Variants in ULK4 observed in about 807,000 individuals in gnomAD.
ULK4 encodes the protein inactive serine/threonine-protein kinase ULK4.
In ULK4, 133 loss-of-function variants were observed where a neutral mutation model predicts 160.6. The ratio of observed to expected loss-of-function variants is 0.83; its 90% CI spans 0.72 to 0.96. The LOEUF (loss-of-function observed/expected upper bound fraction) is 0.96. ULK4 is among the 40% of genes least tolerant of loss of function. ULK4 has a pLI of 0.00. For missense variants in ULK4, 1,580 were observed against 1,499.5 expected (o/e 1.05, Z -0.89); for synonymous variants, 534 against 539.8 (o/e 0.99, Z 0.15).
intron 4 of ULK4, 27 bp from the exon 5 acceptor site, chr3:41,932,033 G>A (rs1559658772): frequency 6.3e-7 from 1 of 1,591,880 alleles, no homozygotes; most frequent in Admixed American, 1.8e-5. Context: ...AATGTTTTCA[G>A]AAAAAAAATC....
At chr3:41,750,381 T>C (rs1375007026) in intron 22 of ULK4, among the ~76,000 whole-genome samples, 1 of 152,196 alleles carries the variant, frequency 6.6e-6, no homozygotes, top group South Asian at 2.1e-4. Flanking sequence ...ACTGCTATGA[T>C]TTCCTCAATT....
chr3:41,556,559 C>T (rs2087309786), intron 32 of ULK4, among the ~76,000 whole-genome samples: 1 of 135,284 alleles, frequency 7.4e-6, no homozygotes, highest in African/African-American at 2.8e-5. Context: ...ACAATATTGG[C>T]TCACTGCAAC....
In ULK4 at chr3:41,931,973, T is replaced by C; in HGVS notation, c.412A>G (p.Ser138Gly). ...TCCACTTTTGCCAAGCAAAAGTTGC[T>C]AAACTTCAGTGTGCCAGGCCCTTCC... ...LLEGPGTLKFSNFCLAKVEGE... is the reference protein window; with the variant it reads ...LLEGPGTLKFGNFCLAKVEGE... Residue 138 changes from serine (S) to glycine (G), a missense_variant, in exon 5 of 37, where the codon AGC becomes GGC. Physicochemically the swap from Ser to Gly is moderately conservative, Grantham distance 56. Coordinates refer to ENST00000301831, the MANE Select transcript of ULK4 (RefSeq NM_017886.4). 3 of 1,613,984 alleles carry C rather than the reference T, an allele frequency of 1.9e-6. No individual in the cohort carries two copies. The highest frequency in any genetic ancestry group is 2.5e-6 in the Non-Finnish European group (3 of 1,179,966).
At chr3:41,597,257 A>G (rs1442595073) in intron 31 of ULK4, among the ~76,000 whole-genome samples, 1 of 152,128 alleles carries the variant, frequency 6.6e-6, no homozygotes, top group Non-Finnish European at 1.5e-5. Flanking sequence ...GCTCTCTCGA[A>G]GCTGGACCCT....
intron 2 of ULK4, among the ~76,000 whole-genome samples, chr3:41,950,321 A>G (rs1337109188): frequency 6.6e-6 from 1 of 151,606 alleles, no homozygotes; most frequent in Non-Finnish European, 1.5e-5. Flanking sequence ...GCTCACTGCA[A>G]CCTCCACCTC....
intron 19 of ULK4, among the ~76,000 whole-genome samples, chr3:41,810,140 C>T (rs1336839889): frequency 6.6e-6 from 1 of 152,142 alleles, no homozygotes; most frequent in East Asian, 1.9e-4. Context: ...AAAGACACTG[C>T]CCTGTCTTCA....
At chr3:41,693,188 A>G (rs2036369803) in intron 27 of ULK4, among the ~76,000 whole-genome samples, 1 of 152,200 alleles carries the variant, frequency 6.6e-6, no homozygotes, top group Non-Finnish European at 1.5e-5. Flanking sequence ...ACTATTGGGA[A>G]GACTGTGTCG....
intron 30 of ULK4, among the ~76,000 whole-genome samples, chr3:41,615,981 T>A (rs545697243): frequency 6.6e-6 from 1 of 152,278 alleles, no homozygotes; most frequent in African/African-American, 2.4e-5. Context: ...AATGCAGGGA[T>A]TAAAATTCAC....
intron 35 of ULK4, among the ~76,000 whole-genome samples, chr3:41,380,168 G>C (rs1043717579): frequency 2.0e-5 from 3 of 152,140 alleles, no homozygotes; most frequent in African/African-American, 7.2e-5. Flanking sequence ...AGCTGGAGAA[G>C]AGAAAAATCT....
intron 32 of ULK4, among the ~76,000 whole-genome samples, chr3:41,552,490 A>G (rs2087110717): frequency 6.6e-6 from 1 of 151,960 alleles, no homozygotes; most frequent in Non-Finnish European, 1.5e-5. Flanking sequence ...AAAATCAAGA[A>G]GGCAAACCCA....
At chr3:41,570,303 G>A (rs371556285) in intron 31 of ULK4, among the ~76,000 whole-genome samples, 6 of 152,302 alleles carry the variant, frequency 3.9e-5, no homozygotes, top group East Asian at 1.9e-4. Flanking sequence ...TGCAGTGAAC[G>A]TTAATGTTTT....
chr3:41,637,136 C>A (rs998945726), intron 30 of ULK4, among the ~76,000 whole-genome samples: 2 of 152,150 alleles, frequency 1.3e-5, no homozygotes, highest in African/African-American at 4.8e-5. Context: ...ACTGTAGTCA[C>A]CAGGTTGGAC....
chr3:41,767,246 TTACAAAAACTC>T (rs1457007191), intron 21 of ULK4, among the ~76,000 whole-genome samples: 1 of 152,176 alleles, frequency 6.6e-6, no homozygotes, highest in Non-Finnish European at 1.5e-5. Flanking sequence ...TTCATGTAAG[TTACAAAAACTC>T]TGCAAAATAC....
intron 35 of ULK4, among the ~76,000 whole-genome samples, chr3:41,300,842 TA>T (rs1164805079): frequency 5.9e-5 from 2 of 34,022 alleles, no homozygotes; most frequent in Non-Finnish European, 1.3e-4. Context: ...ACAGATTATA[TA>T]TATATATATA....
At chr3:41,921,917 G>A (rs1279833601) in intron 5 of ULK4, among the ~76,000 whole-genome samples, 1 of 152,152 alleles carries the variant, frequency 6.6e-6, no homozygotes, top group Non-Finnish European at 1.5e-5. Flanking sequence ...ATTCTGGGAG[G>A]CCGAGGCAGG....
At position 41,705,154 on chromosome 3, in the gene ULK4, A is replaced by T; in HGVS notation, c.2687-3T>A. Reference sequence around the variant, plus strand: ...AAATTCTTCTGATGCTGTCAGTCCTAGAAATACAGTTAATTATTATAGGTG... The same window carrying T: ...AAATTCTTCTGATGCTGTCAGTCCTTGAAATACAGTTAATTATTATAGGTG... On this transcript the variant is annotated splice_region_variant and splice_polypyrimidine_tract_variant and intron_variant, in intron 26 of 36. Coordinates refer to ENST00000301831, the MANE Select transcript of ULK4 (RefSeq NM_017886.4). 6.2e-7 allele frequency: 1 copy of T among 1,613,000 alleles called. No homozygotes were observed. The highest frequency in any genetic ancestry group is 1.3e-5 in the African/African-American group (1 of 75,002).
At chr3:41,413,590 A>G (rs1354135781) in intron 34 of ULK4, among the ~76,000 whole-genome samples, 1 of 152,208 alleles carries the variant, frequency 6.6e-6, no homozygotes, top group African/African-American at 2.4e-5. Context: ...ATAAAAAAGT[A>G]TTCTTTCAAA....
At chr3:41,786,506 G>A (rs2040000492) in intron 21 of ULK4, among the ~76,000 whole-genome samples, 1 of 151,216 alleles carries the variant, frequency 6.6e-6, no homozygotes, top group African/African-American at 2.4e-5. Flanking sequence ...GGAGGCTGAG[G>A]TGGTCACCTG....
chr3:41,704,614 T>C (rs2036802657), intron 27 of ULK4, among the ~76,000 whole-genome samples: 1 of 152,128 alleles, frequency 6.6e-6, no homozygotes. Context: ...AGAGACAATT[T>C]TGGTTGTCAT....
Sources: gnomAD v4.1 joint callset for allele counts (sites outside exome capture counted in the v4.1 genomes callset) on GRCh38, gnomAD v4.1.1 for gene constraint, MANE v1.5 for transcripts, NCBI Gene and HGNC (gene_info 2026-07-23, HGNC 2026-07-21) for gene names.